The following AOPEP variants were observed in gnomAD, a reference collection of about 807,000 sequenced individuals.
AOPEP encodes aminopeptidase O (putative).
A neutral mutation model predicts 98.1 loss-of-function variants in AOPEP; 77 were observed. That is an observed-to-expected ratio of 0.78 (90% confidence interval 0.65 to 0.95). AOPEP has a LOEUF of 0.95. Ranked by LOEUF, AOPEP falls within the 40% of genes least tolerant of loss-of-function variation. The pLI, the probability that AOPEP is intolerant of heterozygous loss-of-function variation, is 0.00. For missense variants in AOPEP, 1,024 were observed against 1,024.7 expected (o/e 1.00, Z 0.01); for synonymous variants, 346 against 365.3 (o/e 0.95, Z 0.60).
rs76935047 is a variant in AOPEP at position 94,810,975 on chromosome 9, A to G, written c.1364+9973A>G. 7.1e-3 allele frequency among the ~76,000 whole-genome samples: 1,074 copies of G among 152,280 alleles called. 8 individuals carry two copies. The highest frequency in any genetic ancestry group is 0.024 in the African/African-American group (1,017 of 41,542). Reference sequence around the variant, plus strand: ...ACTGAAGGCCTTCTTCCTTCAGCCCATCAAAGGACCTCCTCCTTTGACCCC... The same window carrying G: ...ACTGAAGGCCTTCTTCCTTCAGCCCGTCAAAGGACCTCCTCCTTTGACCCC... On this transcript the variant is annotated intron_variant, in intron 5 of 16. Transcript: ENST00000375315.
At chr9:95,029,550 C>G (rs561385244) in intron 13 of AOPEP, among the ~76,000 whole-genome samples, 1 of 152,170 alleles carries the variant, frequency 6.6e-6, no homozygotes, top group East Asian at 1.9e-4. Context: ...CACTCCTTCA[C>G]CCCCAGAATT....
At chr9:94,746,983 C>T (rs936911991) in intron 1 of AOPEP, among the ~76,000 whole-genome samples, 1 of 151,248 alleles carries the variant, frequency 6.6e-6, no homozygotes, top group African/African-American at 2.4e-5. Context: ...GGCCTTACTG[C>T]ATTGATCTTC....
intron 1 of AOPEP, 125 bp from the exon 2 acceptor site, chr9:94,759,524 A>C (rs922313795): frequency 4.8e-6 from 2 of 420,608 alleles, no homozygotes; most frequent in African/African-American, 4.0e-5. Context: ...TCAGCCTTCT[A>C]GCCATGAGCA....
chr9:95,060,698 T>G lies in AOPEP; in HGVS notation c.2120T>G (p.Leu707Arg). 3.7e-6 allele frequency: 6 copies of G among 1,611,170 alleles called. No individual in the cohort carries two copies. The highest frequency in any genetic ancestry group is 5.1e-6 in the Non-Finnish European group (6 of 1,177,292). ...REKEEVFEKL[L>R]PDQLVLLLEH... is the part of the protein sequence containing the mutation. ...GCTGTTTGGTTTTGTCTTTAGCTTCTTCCAGACCAGCTGGTCTTGCTTCTG... is the reference window on the plus strand; with the variant it reads ...GCTGTTTGGTTTTGTCTTTAGCTTCGTCCAGACCAGCTGGTCTTGCTTCTG... Residue 707 changes from leucine to arginine, a missense_variant, in exon 14 of 17, where the codon CTT becomes CGT. Physicochemically the swap from Leu to Arg is moderately radical, Grantham distance 102. This residue lies in a region of AOPEP where 566 missense variants were observed against 551.7 expected (regional missense o/e 1.03). Transcript: ENST00000375315.
At chr9:95,079,625 G>A (rs79464198) in intron 14 of AOPEP, among the ~76,000 whole-genome samples, 3 of 152,346 alleles carry the variant, frequency 2.0e-5, no homozygotes, top group African/African-American at 7.2e-5. Flanking sequence ...CGCCTGCTCC[G>A]GGATGTGGGG....
rs182750136 is a variant in AOPEP, at chr9:95,032,157, G to A, written c.2115+26541G>A. ...AGTGAGCCTGCAAACACACTTTATCGTGTGTGTCTGAGAAAAACCCCACTG... is the reference window on the plus strand; with the variant it reads ...AGTGAGCCTGCAAACACACTTTATCATGTGTGTCTGAGAAAAACCCCACTG... On this transcript the variant is annotated intron_variant, in intron 13 of 16. Coordinates refer to ENST00000375315, the MANE Select transcript of AOPEP (RefSeq NM_001193329.3). 3.9e-5 allele frequency among the ~76,000 whole-genome samples: 6 copies of A among 152,300 alleles called. No individual in the cohort carries two copies. The East Asian group carries it at 5.8e-4, about 15-fold the overall frequency.
chr9:94,830,326 G>A lies in AOPEP; in HGVS notation c.1364+29324G>A, dbSNP rs1226554279. ...TCTGTTCCTGTGTTGGTTTGCTGATGATAATGGCTTCCAGCTCCATCCATG... is the reference window on the plus strand; with the variant it reads ...TCTGTTCCTGTGTTGGTTTGCTGATAATAATGGCTTCCAGCTCCATCCATG... On this transcript the variant is annotated intron_variant, in intron 5 of 16. Transcript: ENST00000375315. 2.0e-5 allele frequency among the ~76,000 whole-genome samples: 3 copies of A among 152,236 alleles called. No homozygotes were observed. In the South Asian group the frequency reaches 6.2e-4, roughly 32 times the overall value.
At chr9:95,005,331 A>T (rs1289935616) in intron 12 of AOPEP, 111 bp downstream of exon 12, 4 of 718,890 alleles carry the variant, frequency 5.6e-6, no homozygotes, top group Non-Finnish European at 7.6e-6. Context: ...ACTACCCGCC[A>T]GGCTCCGGCT....
rs562920134 is a variant in AOPEP, at chr9:94,798,048, A to G, written c.1119-2709A>G. Among the ~76,000 whole-genome samples, 17 of 152,108 alleles carry G rather than the reference A, an allele frequency of 1.1e-4. No homozygotes were observed. In the East Asian group the frequency reaches 3.1e-3, roughly 28 times the overall value. On this transcript the variant is annotated intron_variant, in intron 4 of 16. Transcript: ENST00000375315. ...CAATTCCTTACCTCCTCCAGCAGCCACTTTGGTGAGACTATGTTAAAGATG... is the reference window on the plus strand; with the variant it reads ...CAATTCCTTACCTCCTCCAGCAGCCGCTTTGGTGAGACTATGTTAAAGATG...
At chr9:94,947,705 G>A (rs1474983405) in intron 7 of AOPEP, among the ~76,000 whole-genome samples, 1 of 152,138 alleles carries the variant, frequency 6.6e-6, no homozygotes, top group Non-Finnish European at 1.5e-5. Context: ...ATCCCAAAAT[G>A]GCCTTGTGAG....
At chr9:95,062,143 A>G (rs1032160942) in intron 14 of AOPEP, among the ~76,000 whole-genome samples, 1 of 152,120 alleles carries the variant, frequency 6.6e-6, no homozygotes, top group African/African-American at 2.4e-5. Flanking sequence ...AGCTCAACTT[A>G]GTTGTTATAT....
chr9:95,043,972 C>T (rs2133640877), intron 13 of AOPEP, among the ~76,000 whole-genome samples: 1 of 152,290 alleles, frequency 6.6e-6, no homozygotes, highest in East Asian at 1.9e-4. Context: ...GCTTGACCTT[C>T]CTGTGTTCTC....
At chr9:95,111,612 A>G in the AOPEP span, 1 of 1,614,076 alleles carries the variant, frequency 6.2e-7, no homozygotes, top group African/African-American at 1.3e-5. Flanking sequence ...AACAGGAACC[A>G]GCTCTCAAAG....
intron 7 of AOPEP, among the ~76,000 whole-genome samples, chr9:94,936,473 C>G (rs752534223): frequency 2.6e-4 from 40 of 152,176 alleles, no homozygotes; most frequent in Non-Finnish European, 7.3e-5. Flanking sequence ...GATTTGGTTT[C>G]TTCTGAGCCC....
chr9:94,909,779 G>T (rs1039914250), intron 5 of AOPEP, among the ~76,000 whole-genome samples: 5 of 152,120 alleles, frequency 3.3e-5, no homozygotes, highest in African/African-American at 9.7e-5. Flanking sequence ...GAGGTGACTG[G>T]GCCTTTGTAA....
intron 5 of AOPEP, among the ~76,000 whole-genome samples, chr9:94,855,181 G>A (rs1220133212): frequency 6.6e-6 from 1 of 152,032 alleles, no homozygotes; most frequent in African/African-American, 2.4e-5. Context: ...AGATTCAAGC[G>A]ATTCTCCTAC....
At chr9:94,835,755 A>C (rs895106216) in intron 5 of AOPEP, among the ~76,000 whole-genome samples, 1 of 152,194 alleles carries the variant, frequency 6.6e-6, no homozygotes, top group East Asian at 1.9e-4. Flanking sequence ...GCAAAATTCC[A>C]AAGAGTGGGT....
chr9:94,932,939 T>C (rs1413747927), intron 7 of AOPEP: 1 of 985,346 alleles, frequency 1.0e-6, no homozygotes, highest in Non-Finnish European at 1.2e-6. Context: ...TACAGGCTTC[T>C]GAGGCAAGAC....
intron 1 of AOPEP, among the ~76,000 whole-genome samples, chr9:94,741,733 C>T (rs553518456): frequency 2.0e-5 from 3 of 152,214 alleles, no homozygotes; most frequent in African/African-American, 7.2e-5. Context: ...AAAATCTTTG[C>T]GGCCCCCCAA....
Sources: gnomAD v4.1 joint callset for allele counts (sites outside exome capture counted in the v4.1 genomes callset) on GRCh38, gnomAD v4.1.1 for gene constraint, gnomAD v4.1.1 regional missense constraint, MANE v1.5 for transcripts, NCBI Gene and HGNC (gene_info 2026-07-23, HGNC 2026-07-21) for gene names.